The following TMEM234 variants were observed in gnomAD, a reference collection of about 807,000 sequenced individuals.
The protein encoded by TMEM234 is chromosome 1 open reading frame 91.
Under a neutral mutation model 17.8 loss-of-function variants are expected in TMEM234, and 21 were observed. The observed-to-expected ratio is 1.18, with a 90% CI of 0.84 to 1.70. The LOEUF (loss-of-function observed/expected upper bound fraction) is 1.70. TMEM234 is among the 40% of genes most tolerant of loss of function. The pLI is 0.00. For missense variants in TMEM234, 137 were observed against 166.9 expected (o/e 0.82, Z 0.99); for synonymous variants, 83 against 73.5 (o/e 1.13, Z -0.66).
At chr1:32,220,836 TG>T (rs1400211148) in intron 3 of TMEM234, among the ~76,000 whole-genome samples, 1 of 152,180 alleles carries the variant, frequency 6.6e-6, no homozygotes, top group African/African-American at 2.4e-5. Flanking sequence ...TAGCACACAG[TG>T]GAAGCAAGAA....
chr1:32,221,288 G>C lies in TMEM234; in HGVS notation c.169-91C>G, dbSNP rs940191828. The C allele has an allele frequency of 4.9e-6, 5 of 1,018,484 alleles. No individual in the cohort carries two copies. In the Middle Eastern group the frequency reaches 6.2e-4, roughly 127 times the overall value. The allele number at this position is 1,018,484 out of a possible 1,614,324, so 63.1% of individuals were successfully genotyped here. ...TCCTAGCGAATGTCTTTCCTTGGAG[G>C]GAGGCAGGGTTATAAGGACCCAGAG... On this transcript the variant is annotated intron_variant, in intron 2 of 4. Coordinates refer to ENST00000309777, the MANE Select transcript of TMEM234 (RefSeq NM_019118.5).
chr1:32,215,933 A>G (rs745624572), downstream of TMEM234: 3 of 1,491,914 alleles, frequency 2.0e-6, no homozygotes, highest in East Asian at 7.4e-5. Flanking sequence ...GGGGACCACT[A>G]CTCTGGCCAC....
intron 3 of TMEM234, 39 bp from the exon 4 acceptor site, chr1:32,217,390 A>C: frequency 6.3e-7 from 1 of 1,593,312 alleles, no homozygotes; most frequent in Non-Finnish European, 8.6e-7. Flanking sequence ...GAGATGCAAC[A>C]AATGCCTTTC....
At position 32,216,747 on chromosome 1, in the gene TMEM234, A is replaced by C; in HGVS notation, c.*106T>G. ...CTGTTATCCCCATAAGAGAGGAGGAAGCTAAGGCCAGAGAGGGGAAGTGCT... is the reference window on the plus strand; with the variant it reads ...CTGTTATCCCCATAAGAGAGGAGGACGCTAAGGCCAGAGAGGGGAAGTGCT... On this transcript the variant is annotated 3_prime_UTR_variant, in exon 5 of 5. Coordinates refer to ENST00000309777, the MANE Select transcript of TMEM234 (RefSeq NM_019118.5). 6.5e-7 allele frequency: 1 copy of C among 1,528,092 alleles called. No homozygotes were observed. The allele number at this position is 1,528,092 out of a possible 1,614,324, so 94.7% of individuals were successfully genotyped here. A position where few individuals can be genotyped will look rare whatever the true frequency, so the allele number is the denominator to read the frequency against.
intron 1 of TMEM234, 79 bp downstream of exon 1, chr1:32,222,228 T>A (rs1266444645): frequency 6.6e-7 from 1 of 1,522,500 alleles, no homozygotes; most frequent in African/African-American, 1.4e-5. Context: ...GGGTCGGGGT[T>A]AGAGGGTGGA....
At position 32,221,975 on chromosome 1, in the gene TMEM234, G is replaced by A; in HGVS notation, c.60C>T (p.Gly20=). Residue 20 remains glycine, a synonymous_variant, in exon 2 of 5, where the codon GGC becomes GGT. Coordinates refer to ENST00000309777, the MANE Select transcript of TMEM234 (RefSeq NM_019118.5). ...AGGCCCGCTTCAGCAGCGGCTGCGT[G>A]CCACCCCACAGAGCGGCCACCAGCA... ...ALVLVAALWG[G]TQPLLKRASA... The A allele has an allele frequency of 6.2e-7, 1 of 1,612,748 alleles. No homozygotes were observed. Among genetic ancestry groups the A allele is most frequent in the Non-Finnish European group, 8.5e-7 (1 of 1,179,866 alleles).
At chr1:32,219,869 T>C (rs1444039690) in intron 3 of TMEM234, among the ~76,000 whole-genome samples, 2 of 152,126 alleles carry the variant, frequency 1.3e-5, no homozygotes, top group Admixed American at 6.5e-5. Context: ...GCATGTAAAA[T>C]AGGGGTCACA....
Position 32,216,365 on chromosome 1 carries a change from A to C in TMEM234, c.*488T>G. 3 of 1,549,910 alleles carry C rather than the reference A, an allele frequency of 1.9e-6. No individual in the cohort carries two copies. The highest frequency in any genetic ancestry group is 2.6e-6 in the Non-Finnish European group (3 of 1,146,218). On this transcript the variant is annotated 3_prime_UTR_variant, in exon 5 of 5. Transcript: ENST00000309777. Reference sequence around the variant, plus strand: ...GGCTAATAGACAGCTCATTTCCTGCATCTGCCACTCCGACGCACCTTCTTC... The same window carrying C: ...GGCTAATAGACAGCTCATTTCCTGCCTCTGCCACTCCGACGCACCTTCTTC...
At chr1:32,219,115 A>G (rs562551714) in intron 3 of TMEM234, among the ~76,000 whole-genome samples, 1 of 150,704 alleles carries the variant, frequency 6.6e-6, no homozygotes, top group Non-Finnish European at 1.5e-5. Context: ...GCCGTCTCAA[A>G]AAAAAAAAAA....
At chr1:32,221,393 C>T (rs1638895966) in intron 2 of TMEM234, among the ~76,000 whole-genome samples, 196 bp from the exon 3 acceptor site, 1 of 152,056 alleles carries the variant, frequency 6.6e-6, no homozygotes, top group Admixed American at 6.6e-5. Flanking sequence ...TCAAACTACC[C>T]TCTCCCTCAC....
chr1:32,216,404 C>CCTCATTCAG lies in TMEM234; in HGVS notation c.*440_*448dup. On this transcript the variant is annotated 3_prime_UTR_variant, in exon 5 of 5. Coordinates refer to ENST00000309777, the MANE Select transcript of TMEM234 (RefSeq NM_019118.5). ...CGCACCTTCTTCCCTCGGTTCCACC[C>CCTCATTCAG]CTCATTCAGCCAAAGCGCTCTGACT... 1 of 1,551,592 alleles carries CCTCATTCAG rather than the reference C, an allele frequency of 6.4e-7. No homozygotes were observed. Among genetic ancestry groups the CCTCATTCAG allele is most frequent in the Non-Finnish European group, 8.7e-7 (1 of 1,146,944 alleles).
chr1:32,215,798 G>A, downstream of TMEM234: 1 of 1,550,358 alleles, frequency 6.5e-7, no homozygotes, highest in Non-Finnish European at 8.7e-7. Context: ...TCCACCTCCT[G>A]CAGAGGGCAG....
intron 3 of TMEM234, among the ~76,000 whole-genome samples, chr1:32,219,112 C>CAAAA (rs59104994): frequency 1.1e-4 from 8 of 71,798 alleles, no homozygotes; most frequent in African/African-American, 3.3e-4. Flanking sequence ...AATGCCGTCT[C>CAAAA]AAAAAAAAAA....
chr1:32,215,494 T>C (rs1158313338), downstream of TMEM234: 1 of 1,613,696 alleles, frequency 6.2e-7, no homozygotes, highest in Non-Finnish European at 8.5e-7. Context: ...GCGGGGGCCC[T>C]GGAAGTAGCA....
In TMEM234 at chr1:32,217,341, C is replaced by T. The variant is rs757661867; in HGVS notation, c.246G>A (p.Leu82=). 1.9e-6 allele frequency: 3 copies of T among 1,610,188 alleles called. No homozygotes were observed. In the East Asian group the frequency reaches 6.7e-5, roughly 36 times the overall value. Residue 82 remains leucine (L), a synonymous_variant, in exon 4 of 5, where the codon CTG becomes CTA. Coordinates refer to ENST00000309777, the MANE Select transcript of TMEM234 (RefSeq NM_019118.5). Reference sequence around the variant, plus strand: ...CCAGAGAGTTACAGATGGGCACAGCCAGGGTCAGATCTGGGTGGTCAGAAT... The same window carrying T: ...CCAGAGAGTTACAGATGGGCACAGCTAGGGTCAGATCTGGGTGGTCAGAAT... ...YLTLASTDLT[L]AVPICNSLAI...
At chr1:32,221,039 A>T (rs896101054) in intron 3 of TMEM234, 92 bp downstream of exon 3, 1 of 965,820 alleles carries the variant, frequency 1.0e-6, no homozygotes. Flanking sequence ...CACTGATGGG[A>T]ATGAGGTGTT....
chr1:32,220,223 C>A (rs1386756884), intron 3 of TMEM234, among the ~76,000 whole-genome samples: 1 of 152,186 alleles, frequency 6.6e-6, no homozygotes, highest in African/African-American at 2.4e-5. Flanking sequence ...TGCCCAGGGA[C>A]TGGAGTGCAG....
downstream of TMEM234, chr1:32,215,225 G>A (rs1638277321): frequency 1.7e-6 from 1 of 592,510 alleles, no homozygotes; most frequent in South Asian, 2.4e-5. Flanking sequence ...ACCTGGAAAG[G>A]GCAGTGCTTA....
rs749386025 is a variant in TMEM234 at position 32,222,028 on chromosome 1, G to A, written c.17-10C>T. On this transcript the variant is annotated splice_polypyrimidine_tract_variant and intron_variant, in intron 1 of 4. Transcript: ENST00000309777. ...AGAGCCAACACCTGCCCTGAATGCA[G>A]ACGAGTGAGTCACCCTGACCCCCAC... 1.4e-5 allele frequency: 22 copies of A among 1,606,342 alleles called. No homozygotes were observed. Among genetic ancestry groups the A allele is most frequent in the Non-Finnish European group, 1.6e-5 (19 of 1,176,894 alleles).
Sources: allele counts gnomAD v4.1 joint callset (sites outside exome capture counted in the v4.1 genomes callset), GRCh38; gene constraint gnomAD v4.1.1; transcripts MANE v1.5; gene names NCBI Gene and HGNC (gene_info 2026-07-23, HGNC 2026-07-21).